The following DCTPP1 variants were observed in gnomAD, a reference collection of about 807,000 sequenced individuals.
The protein encoded by DCTPP1 is dCTP pyrophosphatase 1.
In DCTPP1, 8 loss-of-function variants were observed where a neutral mutation model predicts 8.8. The ratio of observed to expected loss-of-function variants is 0.91; its 90% confidence interval spans 0.54 to 1.64. The LOEUF (loss-of-function observed/expected upper bound fraction) is 1.64. Ranked by LOEUF, DCTPP1 falls within the 40% of genes most tolerant of loss-of-function variation. The probability of loss-of-function intolerance (pLI) is 0.00; values close to 1 mark genes in which losing one functional copy is unlikely to be tolerated. For synonymous variants in DCTPP1, 85 were observed against 92.1 expected (o/e 0.92, Z 0.44); for missense variants, 231 against 230.4 (o/e 1.00, Z -0.02).
intron 2 of DCTPP1, among the ~76,000 whole-genome samples, chr16:30,425,677 C>T (rs990915515): frequency 3.3e-5 from 5 of 151,858 alleles, no homozygotes; most frequent in Admixed American, 2.0e-4. Flanking sequence ...GGCATAGTGG[C>T]GCATGCCTGT....
At position 30,429,136 on chromosome 16, in the gene DCTPP1, G is replaced by C; in HGVS notation, c.133C>G (p.Arg45Gly). The C allele has an allele frequency of 6.2e-7, 1 of 1,613,948 alleles. No individual in the cohort carries two copies. The highest frequency in any genetic ancestry group is 2.2e-5 in the East Asian group (1 of 44,886). Residue 45 changes from arginine to glycine, a missense_variant, in exon 2 of 3, where the codon CGA (arginine) becomes GGA (glycine). Physicochemically the swap from Arg to Gly is moderately radical, Grantham distance 125. Coordinates refer to ENST00000319285, the MANE Select transcript of DCTPP1 (RefSeq NM_024096.2). Reference sequence around the variant, plus strand: ...GGCTGATGGAACTGTTCCCAGTCTCGTTCCGCAGCAAACTCAGCATGGAGG... The same window carrying C: ...GGCTGATGGAACTGTTCCCAGTCTCCTTCCGCAGCAAACTCAGCATGGAGG... ...RRLHAEFAAE[R>G]DWEQFHQPRN...
intron 2 of DCTPP1, among the ~76,000 whole-genome samples, chr16:30,427,013 G>GTT (rs1363743195): frequency 9.2e-5 from 11 of 119,890 alleles, no homozygotes; most frequent in Admixed American, 1.7e-4. Flanking sequence ...TTTTCGTTGG[G>GTT]TTTTTTTTTT....
intron 1 of DCTPP1, 45 bp downstream of exon 1, chr16:30,429,835 G>T: frequency 6.4e-7 from 1 of 1,563,282 alleles, no homozygotes. Context: ...AAACGCGGGA[G>T]AAAGGGGCGA....
Position 30,430,016 on chromosome 16 carries a change from C to T in DCTPP1, c.-36G>A. On this transcript the variant is annotated 5_prime_UTR_variant, in exon 1 of 3. Coordinates refer to ENST00000319285, the MANE Select transcript of DCTPP1 (RefSeq NM_024096.2). ...GCTGCACCGCGACTTCACGGAAAAC[C>T]CACGAGCCACGCTCGAAGCCCCGCC... 2.1e-6 allele frequency: 3 copies of T among 1,425,674 alleles called. No individual in the cohort carries two copies. Among genetic ancestry groups the T allele is most frequent in the Non-Finnish European group, 2.8e-6 (3 of 1,086,670 alleles). The allele number at this position is 1,425,674 out of a possible 1,614,324, so 88.3% of individuals were successfully genotyped here.
At chr16:30,426,252 T>G (rs922306140) in intron 2 of DCTPP1, among the ~76,000 whole-genome samples, 1 of 152,158 alleles carries the variant, frequency 6.6e-6, no homozygotes, top group Non-Finnish European at 1.5e-5. Flanking sequence ...CTTGGCTCAC[T>G]GCAAGCTCCG....
At chr16:30,428,570 G>A (rs1322754795) in intron 2 of DCTPP1, among the ~76,000 whole-genome samples, 1 of 151,920 alleles carries the variant, frequency 6.6e-6, no homozygotes, top group African/African-American at 2.4e-5. Context: ...AGGAATTTGA[G>A]ACTAGCCTGA....
At chr16:30,429,257 G>A (rs2050211246) in intron 1 of DCTPP1, 90 bp from the exon 2 acceptor site, 11 of 1,305,440 alleles carry the variant, frequency 8.4e-6, no homozygotes, top group South Asian at 1.3e-5. Flanking sequence ...GTATGTAATG[G>A]GGCCTGGGAC....
chr16:30,426,611 A>T (rs1304739256), intron 2 of DCTPP1, among the ~76,000 whole-genome samples: 1 of 151,744 alleles, frequency 6.6e-6, no homozygotes, highest in East Asian at 1.9e-4. Context: ...AGCTGTGATT[A>T]TAGGCGCCTG....
intron 1 of DCTPP1, 71 bp from the exon 2 acceptor site, chr16:30,429,238 A>AC (rs755224155): frequency 1.3e-6 from 2 of 1,515,990 alleles, no homozygotes; most frequent in African/African-American, 2.7e-5. Context: ...AGAGGCAGCT[A>AC]CCCCCGTAGT....
At chr16:30,425,487 C>CA (rs1394644023) in intron 2 of DCTPP1, among the ~76,000 whole-genome samples, 1 of 151,656 alleles carries the variant, frequency 6.6e-6, no homozygotes, top group Non-Finnish European at 1.5e-5. Flanking sequence ...GACTCCGTCT[C>CA]AAAAAAACAA....
chr16:30,427,161 C>T (rs887813363), intron 2 of DCTPP1, among the ~76,000 whole-genome samples: 2 of 151,686 alleles, frequency 1.3e-5, no homozygotes, highest in African/African-American at 4.8e-5. Flanking sequence ...AGGCGCCCGC[C>T]ACCACGCCCG....
At chr16:30,429,008 C>T (rs368160112) in intron 2 of DCTPP1, 49 bp downstream of exon 2, 2 of 1,535,640 alleles carry the variant, frequency 1.3e-6, no homozygotes, top group African/African-American at 1.4e-5. Context: ...ATGCTCCCCT[C>T]CCCTCCCCCA....
Position 30,424,233 on chromosome 16 carries a change from C to T in DCTPP1, c.513G>A (p.Ter171=). ...AGTTGCAAGTCCTGTGGCCATCTTT[C>T]TAGGTTGAGGTCTGGCCTGTGGAGT... is the stretch of plus-strand genomic sequence containing the variant. The part of the protein sequence containing the change: ...PCDSTGQTST[*] The change falls in exon 3 of 3, where the codon TAG becomes TAA. Residue 171 remains the stop codon, a stop_retained_variant. Transcript: ENST00000319285. The T allele has an allele frequency of 1.2e-6, 2 of 1,612,756 alleles. No individual in the cohort carries two copies. Among genetic ancestry groups the T allele is most frequent in the Non-Finnish European group, 1.7e-6 (2 of 1,178,934 alleles).
In DCTPP1 at chr16:30,423,946, A is replaced by T. The variant is rs2050177584; in HGVS notation, c.*287T>A. The T allele has an allele frequency of 2.5e-6, 1 of 399,862 alleles. No homozygotes were observed. The highest frequency in any genetic ancestry group is 2.0e-5 in the African/African-American group (1 of 49,194). 24.8% of individuals were successfully genotyped at this position (399,862 alleles called of 1,614,324 possible). ...CAGGCAAAAGGTACAACAGGGAAAC[A>T]CGAGAATGGGTCTCAGAGGCACCCC... On this transcript the variant is annotated 3_prime_UTR_variant, in exon 3 of 3. Coordinates refer to ENST00000319285, the MANE Select transcript of DCTPP1 (RefSeq NM_024096.2).
In DCTPP1 at chr16:30,429,001, C is replaced by T. The variant is rs1348334612; in HGVS notation, c.212+56G>A. 6.7e-6 allele frequency: 10 copies of T among 1,494,394 alleles called. No homozygotes were observed. The Admixed American group carries it at 2.1e-4, about 31-fold the overall frequency. 92.6% of individuals were successfully genotyped at this position (1,494,394 alleles called of 1,614,324 possible). On this transcript the variant is annotated intron_variant, in intron 2 of 2. Coordinates refer to ENST00000319285, the MANE Select transcript of DCTPP1 (RefSeq NM_024096.2). ...TGAATGTTTGAAGACCAAATAAATG[C>T]TCCCCTCCCCTCCCCCACAACTCAG...
At chr16:30,429,346 T>A in intron 1 of DCTPP1, 179 bp from the exon 2 acceptor site, 1 of 575,720 alleles carries the variant, frequency 1.7e-6, no homozygotes, top group Non-Finnish European at 2.9e-6. Context: ...CCCTCATCTA[T>A]AAAATGGGCG....
In DCTPP1 at chr16:30,424,538, G is replaced by C. The variant is rs1476810738; in HGVS notation, c.213-5C>G. 1 of 1,612,400 alleles carries C rather than the reference G, an allele frequency of 6.2e-7. No homozygotes were observed. Among genetic ancestry groups the C allele is most frequent in the South Asian group, 1.1e-5 (1 of 91,050 alleles). On this transcript the variant is annotated splice_polypyrimidine_tract_variant and splice_region_variant and intron_variant, in intron 2 of 2. Coordinates refer to ENST00000319285, the MANE Select transcript of DCTPP1 (RefSeq NM_024096.2). ...TCCCCATCGGTTTTCCACTGACTAG[G>C]GGCAGAACACAGACAGACACACACT...
In DCTPP1 at chr16:30,430,024, CA is replaced by C. The variant is rs1567446333; in HGVS notation, c.-45del. ...GCGACTTCACGGAAAACCCACGAGC[CA>C]CGCTCGAAGCCCCGCCTCCAGAGCT... On this transcript the variant is annotated 5_prime_UTR_variant, in exon 1 of 3. Coordinates refer to ENST00000319285, the MANE Select transcript of DCTPP1 (RefSeq NM_024096.2). The C allele has an allele frequency of 7.1e-7, 1 of 1,414,988 alleles. No homozygotes were observed. Among genetic ancestry groups the C allele is most frequent in the South Asian group, 1.5e-5 (1 of 66,778 alleles). The allele number at this position is 1,414,988 out of a possible 1,614,324, so 87.7% of individuals were successfully genotyped here.
At chr16:30,426,862 G>A (rs1446990147) in intron 2 of DCTPP1, among the ~76,000 whole-genome samples, 1 of 151,908 alleles carries the variant, frequency 6.6e-6, no homozygotes, top group African/African-American at 2.4e-5. Context: ...ACCATGCCCA[G>A]CTAATGGTTG....
Sources: gnomAD v4.1 joint callset for allele counts (sites outside exome capture counted in the v4.1 genomes callset) on GRCh38, gnomAD v4.1.1 for gene constraint, MANE v1.5 for transcripts, NCBI Gene and HGNC (gene_info 2026-07-23, HGNC 2026-07-21) for gene names.